KIAA0825: variants seen among roughly 807,000 people sequenced by gnomAD.
KIAA0825 encodes uncharacterized protein KIAA0825.
A neutral mutation model predicts 147.6 loss-of-function variants in KIAA0825; 119 were observed. That is an observed-to-expected ratio of 0.81 (90% CI 0.69 to 0.94). The LOEUF is 0.94. Among genes scored for constraint, KIAA0825 ranks in the 40% least tolerant of loss-of-function variants. The probability of loss-of-function intolerance (pLI) is 0.00; values close to 1 mark genes in which losing one functional copy is unlikely to be tolerated. For synonymous variants in KIAA0825, 470 were observed against 518.1 expected (o/e 0.91, Z 1.26); for missense variants, 1,381 against 1,472.7 (o/e 0.94, Z 1.02).
chr5:94,328,005 A>G (rs1780877659), intron 20 of KIAA0825, among the ~76,000 whole-genome samples: 1 of 151,198 alleles, frequency 6.6e-6, no homozygotes, highest in Non-Finnish European at 1.5e-5. Flanking sequence ...ACTCCGTCTC[A>G]AAAAAAAAGA....
chr5:94,455,980 G>A (rs920121326), intron 12 of KIAA0825, among the ~76,000 whole-genome samples: 1 of 151,702 alleles, frequency 6.6e-6, no homozygotes, highest in Non-Finnish European at 1.5e-5. Context: ...GGTATGAGGA[G>A]GACCATGCCA....
intron 20 of KIAA0825, among the ~76,000 whole-genome samples, chr5:94,202,097 A>AG (rs754036142): frequency 6.6e-6 from 1 of 152,244 alleles, no homozygotes; most frequent in Non-Finnish European, 1.5e-5. Context: ...GGATTTAACA[A>AG]GGAAGTGCAC....
At chr5:94,542,235 C>A (rs1040346538) in intron 2 of KIAA0825, among the ~76,000 whole-genome samples, 1 of 152,212 alleles carries the variant, frequency 6.6e-6, no homozygotes, top group Admixed American at 6.5e-5. Context: ...TCATGACTAT[C>A]AAACACGAGT....
chr5:94,448,475 A>G (rs192229200), intron 13 of KIAA0825, among the ~76,000 whole-genome samples: 1 of 151,954 alleles, frequency 6.6e-6, no homozygotes, highest in Admixed American at 6.6e-5. Context: ...GCCACTTTTA[A>G]TTAATTATCT....
rs1438469468 is a variant in KIAA0825, at chr5:94,379,581, G to A, written c.3710+4787C>T. Reference sequence around the variant, plus strand: ...TTGCTAGGATTGCCTTTGCTATTCAGGCTCTTTTTTTGTTCCATATGAATT... The same window carrying A: ...TTGCTAGGATTGCCTTTGCTATTCAAGCTCTTTTTTTGTTCCATATGAATT... On this transcript the variant is annotated intron_variant, in intron 20 of 20. Transcript: ENST00000682413. 2.0e-5 allele frequency among the ~76,000 whole-genome samples: 3 copies of A among 152,028 alleles called. No homozygotes were observed. In the East Asian group the frequency reaches 5.8e-4, roughly 29 times the overall value.
intron 5 of KIAA0825, among the ~76,000 whole-genome samples, chr5:94,501,202 G>A (rs1368809057): frequency 6.6e-6 from 1 of 152,192 alleles, no homozygotes; most frequent in African/African-American, 2.4e-5. Flanking sequence ...ATATATTGAT[G>A]TTTGGGAACA....
intron 14 of KIAA0825, among the ~76,000 whole-genome samples, chr5:94,424,937 C>A (rs1421676958): frequency 6.6e-6 from 1 of 152,030 alleles, no homozygotes; most frequent in Non-Finnish European, 1.5e-5. Context: ...AAGATTAATT[C>A]AGGAAGAAAC....
intron 20 of KIAA0825, among the ~76,000 whole-genome samples, chr5:94,233,307 C>T (rs548676633): frequency 6.6e-6 from 1 of 152,278 alleles, no homozygotes; most frequent in Admixed American, 6.5e-5. Context: ...CGGGACAACT[C>T]TTCTATAGTG....
intron 20 of KIAA0825, among the ~76,000 whole-genome samples, chr5:94,270,685 G>A (rs1435366764): frequency 6.6e-6 from 1 of 151,924 alleles, no homozygotes; most frequent in Non-Finnish European, 1.5e-5. Flanking sequence ...GGAGAAGGGG[G>A]GAATTTCTTA....
intron 20 of KIAA0825, among the ~76,000 whole-genome samples, chr5:94,281,687 C>T (rs1284248460): frequency 6.6e-6 from 1 of 152,112 alleles, no homozygotes; most frequent in Non-Finnish European, 1.5e-5. Flanking sequence ...GTAGCAACCC[C>T]TCCTCTTCCA....
rs1424337847 is a variant in KIAA0825 at position 94,151,024 on chromosome 5, A to G, written c.*2983T>C. Reference sequence around the variant, plus strand: ...ATAGGAAGATAATATTTTTGTAATAAGCATATGGGGAGATATAAACTGTTA... The same window carrying G: ...ATAGGAAGATAATATTTTTGTAATAGGCATATGGGGAGATATAAACTGTTA... On this transcript the variant is annotated 3_prime_UTR_variant, in exon 21 of 21. Coordinates refer to ENST00000682413, the MANE Select transcript of KIAA0825 (RefSeq NM_001145678.3). Among the ~76,000 whole-genome samples the G allele has an allele frequency of 6.6e-6, 1 of 152,220 alleles. No homozygotes were observed. The highest frequency in any genetic ancestry group is 1.9e-4 in the East Asian group (1 of 5,202).
At position 94,209,038 on chromosome 5, in the gene KIAA0825, T is replaced by C. The variant is rs73773590; in HGVS notation, c.3711-54914A>G. Among the ~76,000 whole-genome samples, 1,261 of 152,284 alleles carry C rather than the reference T, an allele frequency of 8.3e-3. 17 individuals carry two copies. The highest frequency in any genetic ancestry group is 0.029 in the African/African-American group (1,211 of 41,538). On this transcript the variant is annotated intron_variant, in intron 20 of 20. Coordinates refer to ENST00000682413, the MANE Select transcript of KIAA0825 (RefSeq NM_001145678.3). Reference sequence around the variant, plus strand: ...TGAGTGCTCTAGATCATTTTGATGTTTGTGGTCCACAGACCAAACTTTAAG... The same window carrying C: ...TGAGTGCTCTAGATCATTTTGATGTCTGTGGTCCACAGACCAAACTTTAAG...
intron 20 of KIAA0825, among the ~76,000 whole-genome samples, chr5:94,315,297 T>C (rs975771061): frequency 5.3e-5 from 8 of 151,704 alleles, no homozygotes; most frequent in African/African-American, 1.9e-4. Flanking sequence ...AAATGGATGG[T>C]AGGCTAATGA....
In KIAA0825 at chr5:94,278,315, C is replaced by G. The variant is rs191933077; in HGVS notation, c.3710+106053G>C. Among the ~76,000 whole-genome samples the G allele has an allele frequency of 9.2e-5, 14 of 152,206 alleles. No individual in the cohort carries two copies. The East Asian group carries it at 2.3e-3, about 25-fold the overall frequency. ...AAAAATTAGAAAAAATAAATTGCCTCTAGCAATCAATTTTAACACACAATG... is the reference window on the plus strand; with the variant it reads ...AAAAATTAGAAAAAATAAATTGCCTGTAGCAATCAATTTTAACACACAATG... On this transcript the variant is annotated intron_variant, in intron 20 of 20. Transcript: ENST00000682413.
chr5:94,329,450 T>C (rs1269091389), intron 20 of KIAA0825, among the ~76,000 whole-genome samples: 1 of 152,138 alleles, frequency 6.6e-6, no homozygotes, highest in African/African-American at 2.4e-5. Flanking sequence ...GCTGGTGAGA[T>C]AACTGATCTT....
At chr5:94,178,078 T>A (rs990884162) in intron 20 of KIAA0825, among the ~76,000 whole-genome samples, 1 of 152,176 alleles carries the variant, frequency 6.6e-6, no homozygotes, top group South Asian at 2.1e-4. Flanking sequence ...ATGGTGTGTA[T>A]GTTGCTGTTA....
chr5:94,449,264 T>G (rs1185136527), intron 13 of KIAA0825, among the ~76,000 whole-genome samples: 1 of 152,084 alleles, frequency 6.6e-6, no homozygotes, highest in Non-Finnish European at 1.5e-5. Flanking sequence ...CTCCAACAAG[T>G]AAGCCAGGAG....
intron 5 of KIAA0825, chr5:94,519,502 T>C (rs1195073316): frequency 2.8e-6 from 2 of 709,028 alleles, no homozygotes; most frequent in African/African-American, 3.9e-5. Flanking sequence ...ATAACTTCTT[T>C]CCTTTTTTCC....
intron 20 of KIAA0825, among the ~76,000 whole-genome samples, chr5:94,194,927 C>A (rs1240926220): frequency 6.6e-6 from 1 of 152,184 alleles, no homozygotes; most frequent in African/African-American, 2.4e-5. Context: ...CACTGCATGT[C>A]AGGCACTGGG....
Sources: gnomAD v4.1 joint callset for allele counts (sites outside exome capture counted in the v4.1 genomes callset) on GRCh38, gnomAD v4.1.1 for gene constraint, MANE v1.5 for transcripts, NCBI Gene and HGNC (gene_info 2026-07-23, HGNC 2026-07-21) for gene names.